NLRP3: variants seen among roughly 807,000 people sequenced by gnomAD.
The protein encoded by NLRP3 is NACHT, LRR and PYD domains-containing protein 3.
NLRP3 carries 48 observed loss-of-function variants against 91.3 expected under a neutral mutation model. The observed-to-expected ratio is 0.53, with a 90% confidence interval of 0.42 to 0.67. NLRP3 has a LOEUF of 0.67. Ranked by LOEUF, NLRP3 falls within the 30% of genes least tolerant of loss-of-function variation. The pLI, the probability that NLRP3 is intolerant of heterozygous loss-of-function variation, is 0.00. For synonymous variants in NLRP3, 561 were observed against 507.9 expected (o/e 1.10, Z -1.41); for missense variants, 982 against 1,276.9 (o/e 0.77, Z 3.52).
chr1:247,445,622 G>A (rs1365099423), intron 9 of NLRP3, among the ~76,000 whole-genome samples: 6 of 152,160 alleles, frequency 3.9e-5, no homozygotes, highest in African/African-American at 9.7e-5. Context: ...TGAGGTAGTC[G>A]TCTCCTCTCT....
intron 7 of NLRP3, 126 bp from the exon 8 acceptor site, chr1:247,443,817 TCTTGCTCTCCCCAGATCATATCTGAGATG>T: frequency 2.8e-6 from 2 of 715,928 alleles, no homozygotes; most frequent in South Asian, 3.1e-5. Flanking sequence ...AGACAGCAGG[TCTTGCTCTCCCCAGATCATATCTGAGATG>T]CTGGCTCCTG....
intron 2 of NLRP3, among the ~76,000 whole-genome samples, chr1:247,423,015 G>A (rs1262297523): frequency 6.6e-6 from 1 of 152,178 alleles, no homozygotes; most frequent in Non-Finnish European, 1.5e-5. Flanking sequence ...ACACATGCTT[G>A]GCAGGTGGAC....
chr1:247,435,766 G>C (rs1179542186), intron 6 of NLRP3, among the ~76,000 whole-genome samples: 1 of 152,212 alleles, frequency 6.6e-6, no homozygotes, highest in Non-Finnish European at 1.5e-5. Context: ...GAGCTGGGAA[G>C]ATGTAGTATT....
At chr1:247,419,412 C>T (rs1400596258) in intron 2 of NLRP3, among the ~76,000 whole-genome samples, 9 of 152,124 alleles carry the variant, frequency 5.9e-5, no homozygotes, top group Non-Finnish European at 1.0e-4. Context: ...GCCTCGGCCT[C>T]GCAAAGTGCT....
chr1:247,448,785 T>G lies in NLRP3; in HGVS notation c.*281T>G, dbSNP rs1238277680. 7 of 476,420 alleles carry G rather than the reference T, an allele frequency of 1.5e-5. No homozygotes were observed. The highest frequency in any genetic ancestry group is 3.4e-5 in the Admixed American group (1 of 29,416). 29.5% of individuals were successfully genotyped at this position (476,420 alleles called of 1,614,324 possible). ...TGTTCCTCTTGGTGACCTCATGTAATTAGCTCATTCAATAAAGCACTTTCT... is the reference window on the plus strand; with the variant it reads ...TGTTCCTCTTGGTGACCTCATGTAAGTAGCTCATTCAATAAAGCACTTTCT... On this transcript the variant is annotated 3_prime_UTR_variant, in exon 10 of 10. Transcript: ENST00000336119.
chr1:247,435,620 G>A (rs1447061573), intron 6 of NLRP3, among the ~76,000 whole-genome samples: 2 of 152,200 alleles, frequency 1.3e-5, no homozygotes, highest in African/African-American at 2.4e-5. Context: ...CAAGATGAAA[G>A]GAGTTCTGGA....
chr1:247,437,520 C>T (rs1462948800), intron 7 of NLRP3, among the ~76,000 whole-genome samples: 1 of 152,166 alleles, frequency 6.6e-6, no homozygotes, highest in Non-Finnish European at 1.5e-5. Context: ...GGGTATTACC[C>T]TTCCTTAGCA....
rs1450374747 is a variant in NLRP3, at chr1:247,425,699, T to G, written c.2150+100T>G. ...CTCTTTTCAACTATCTTCCAAATAC[T>G]GTTGCCACAGCTACATCATAATGCC... On this transcript the variant is annotated intron_variant, in intron 4 of 9. Transcript: ENST00000336119. The surrounding 1 kb of genome is among the most constrained non-coding windows in gnomAD (Gnocchi z 4.1). The G allele has an allele frequency of 3.2e-5, 35 of 1,092,398 alleles. No homozygotes were observed. The Admixed American group carries it at 6.6e-4, about 20-fold the overall frequency. 67.7% of individuals were successfully genotyped at this position (1,092,398 alleles called of 1,614,324 possible). A position where few individuals can be genotyped will look rare whatever the true frequency, so the allele number is the denominator to read the frequency against.
chr1:247,441,114 T>C (rs969378014), intron 7 of NLRP3, among the ~76,000 whole-genome samples: 1 of 97,072 alleles, frequency 1.0e-5, no homozygotes, highest in Admixed American at 1.4e-4. Context: ...CCTTTCTTTC[T>C]CTCTTTTTCT....
At position 247,444,075 on chromosome 1, in the gene NLRP3, G is replaced by A. The variant is rs767011471; in HGVS notation, c.2767G>A (p.Gly923Arg). 24 of 1,613,988 alleles carry A rather than the reference G, an allele frequency of 1.5e-5. No individual in the cohort carries two copies. Among genetic ancestry groups the A allele is most frequent in the Admixed American group, 1.2e-4 (7 of 59,982 alleles). ...THLYLRGNTL[G>R]DKGIKLLCEG... ...CCTTTACCTGCGAGGCAACACTCTC[G>A]GAGACAAGGGGATCAAACTACTCTG... The change falls in exon 8 of 10, where the codon GGA becomes AGA. Residue 923 changes from glycine (G) to arginine (R), a missense_variant. Around this residue, in one of 5 missense-constraint regions of NLRP3, gnomAD observed 373 missense variants for 431.5 expected, o/e 0.86. Coordinates refer to ENST00000336119, the MANE Select transcript of NLRP3 (RefSeq NM_001243133.2).
At chr1:247,442,549 C>T (rs925845438) in intron 7 of NLRP3, among the ~76,000 whole-genome samples, 2 of 151,958 alleles carry the variant, frequency 1.3e-5, no homozygotes, top group African/African-American at 4.8e-5. Context: ...CTCTAAAAGG[C>T]CTTTTGCTGT....
chr1:247,434,665 C>T (rs1337372147), intron 6 of NLRP3, among the ~76,000 whole-genome samples: 1 of 152,132 alleles, frequency 6.6e-6, no homozygotes, highest in East Asian at 1.9e-4. Flanking sequence ...GTATGCAGCC[C>T]TTCCCTGAGT....
At position 247,418,780 on chromosome 1, in the gene NLRP3, T is replaced by C; in HGVS notation, c.-21T>C. ...AGTGTGGACCGAAGCCTAAGGACCC[T>C]GAAAACAGCTGCAGATGAAGATGGC... On this transcript the variant is annotated 5_prime_UTR_variant, in exon 2 of 10. Transcript: ENST00000336119. The C allele has an allele frequency of 6.2e-7, 1 of 1,613,154 alleles. No homozygotes were observed. Among genetic ancestry groups the C allele is most frequent in the Non-Finnish European group, 8.5e-7 (1 of 1,180,008 alleles).
intron 2 of NLRP3, among the ~76,000 whole-genome samples, chr1:247,422,356 G>A (rs1662523741): frequency 6.9e-6 from 1 of 144,370 alleles, no homozygotes; most frequent in Non-Finnish European, 1.5e-5. Flanking sequence ...TCCAGCCTGG[G>A]CAATAGAGTG....
At chr1:247,438,378 G>GTTTTTTT (rs74163772) in intron 7 of NLRP3, among the ~76,000 whole-genome samples, 52 of 71,926 alleles carry the variant, frequency 7.2e-4, no homozygotes, top group African/African-American at 9.0e-4. Context: ...GTTTAGTTGT[G>GTTTTTTT]TTTTTTTTTT....
Position 247,444,663 on chromosome 1 carries a change from C to T in NLRP3, c.2847C>T (p.Cys949=), listed in dbSNP as rs1664473817. The T allele has an allele frequency of 6.2e-7, 1 of 1,613,928 alleles. No homozygotes were observed. The highest frequency in any genetic ancestry group is 1.1e-5 in the South Asian group (1 of 91,082). The change falls in exon 9 of 10, where the codon TGC becomes TGT. Residue 949 remains cysteine, a synonymous_variant. Transcript: ENST00000336119. ...CKLQVLELDN[C]NLTSHCCWDL... The stretch of plus-strand genomic sequence containing the variant: ...CCCCTTTTTGCAGATTAGACAACTG[C>T]AACCTCACGTCACACTGCTGCTGGG...
In NLRP3 at chr1:247,429,566, T is replaced by C. The variant is rs1393423391; in HGVS notation, c.2151-19T>C. On this transcript the variant is annotated intron_variant, in intron 4 of 9. Transcript: ENST00000336119. ...TCGAGGCTGATTTCTTTTCTGTCTG[T>C]CTTCCTTCTAATTCCTAGATTGGTG... 1 of 1,614,022 alleles carries C rather than the reference T, an allele frequency of 6.2e-7. No homozygotes were observed. The highest frequency in any genetic ancestry group is 1.7e-5 in the Admixed American group (1 of 60,032).
rs1247641472 is a variant in NLRP3, at chr1:247,444,728, A to C, written c.2912A>C (p.Lys971Thr). 6.8e-6 allele frequency: 11 copies of C among 1,614,046 alleles called. No homozygotes were observed. The highest frequency in any genetic ancestry group is 1.3e-5 in the African/African-American group (1 of 74,920). The change falls in exon 9 of 10, where the codon AAG becomes ACG. Residue 971 changes from lysine (K) to threonine (T), a missense_variant. Around this residue, in one of 5 missense-constraint regions of NLRP3, gnomAD observed 373 missense variants for 431.5 expected, o/e 0.86. Coordinates refer to ENST00000336119, the MANE Select transcript of NLRP3 (RefSeq NM_001243133.2). Reference sequence around the variant, plus strand: ...CTGACCTCCAGCCAGAGCCTGCGAAAGCTGAGCCTGGGCAACAATGACCTG... The same window carrying C: ...CTGACCTCCAGCCAGAGCCTGCGAACGCTGAGCCTGGGCAACAATGACCTG... ...TLLTSSQSLR[K>T]LSLGNNDLGD...
At chr1:247,439,780 G>A (rs149023532) in intron 7 of NLRP3, among the ~76,000 whole-genome samples, 1 of 152,194 alleles carries the variant, frequency 6.6e-6, no homozygotes, top group Non-Finnish European at 1.5e-5. Context: ...ATGCTGATTT[G>A]TGTAGATCTA....
Sources: allele counts gnomAD v4.1 joint callset (sites outside exome capture counted in the v4.1 genomes callset), GRCh38; gene constraint gnomAD v4.1.1; regional missense constraint gnomAD v4.1.1; non-coding constraint Gnocchi (gnomAD v3.1); transcripts MANE v1.5; gene names NCBI Gene and HGNC (gene_info 2026-07-23, HGNC 2026-07-21).